Variants in CXADR observed in about 807,000 individuals in gnomAD.
CXADR encodes the protein coxsackievirus and adenovirus receptor.
In CXADR, 20 loss-of-function variants were observed where a neutral mutation model predicts 40.3. That is an observed-to-expected ratio of 0.50 (90% confidence interval 0.35 to 0.72). CXADR has a LOEUF of 0.72. Ranked by LOEUF, CXADR falls within the 30% of genes least tolerant of loss-of-function variation. The pLI is 0.01. For missense variants in CXADR, 332 were observed against 449.1 expected (o/e 0.74, Z 2.36); for synonymous variants, 150 against 161.3 (o/e 0.93, Z 0.53).
downstream of CXADR, among the ~76,000 whole-genome samples, chr21:17,595,867 C>T (rs1022625468): frequency 3.9e-5 from 6 of 151,950 alleles, no homozygotes; most frequent in Admixed American, 6.6e-5. Flanking sequence ...TTCCAGTTTT[C>T]CAAAGTAGTG....
At chr21:17,548,270 C>A (rs1388288428) in intron 2 of CXADR, among the ~76,000 whole-genome samples, 1 of 152,052 alleles carries the variant, frequency 6.6e-6, no homozygotes, top group South Asian at 2.1e-4. Flanking sequence ...TTTTGGCAAA[C>A]CCAGTCGGTT....
the CXADR span, among the ~76,000 whole-genome samples, chr21:17,628,687 G>C: frequency 1.3e-5 from 2 of 152,144 alleles, no homozygotes; most frequent in Non-Finnish European, 2.9e-5. Flanking sequence ...ATTTTTAGTA[G>C]AGATGGTGTT....
rs1329784428 is a variant in CXADR, at chr21:17,565,937, TAA to T, written c.*247_*248del. Reference sequence around the variant, plus strand: ...TGGATTTTCTTTAAGAGGTTGATTATAAAGTTTTCTAAATTTATCAGTACCTA... The same window carrying T: ...TGGATTTTCTTTAAGAGGTTGATTATAGTTTTCTAAATTTATCAGTACCTA... On this transcript the variant is annotated 3_prime_UTR_variant, in exon 7 of 7. Coordinates refer to ENST00000284878, the MANE Select transcript of CXADR (RefSeq NM_001338.5). The T allele has an allele frequency of 5.1e-6, 6 of 1,169,530 alleles. No individual in the cohort carries two copies. In the African/African-American group the frequency reaches 6.3e-5, roughly 12 times the overall value. The allele number at this position is 1,169,530 out of a possible 1,614,324, so 72.4% of individuals were successfully genotyped here.
intron 7 of CXADR, among the ~76,000 whole-genome samples, chr21:17,588,235 A>G (rs2061411326): frequency 6.6e-6 from 1 of 152,132 alleles, no homozygotes; most frequent in Non-Finnish European, 1.5e-5. Flanking sequence ...TTGGTTCCAT[A>G]TGAACTTTAA....
chr21:17,595,827 T>C (rs2061497114), downstream of CXADR, among the ~76,000 whole-genome samples: 1 of 152,062 alleles, frequency 6.6e-6, no homozygotes, highest in South Asian at 2.1e-4. Context: ...TGCTGAGTAA[T>C]AGAAGAGTTA....
intron 4 of CXADR, among the ~76,000 whole-genome samples, chr21:17,559,411 C>T (rs1174094761): frequency 2.0e-5 from 3 of 152,022 alleles, no homozygotes; most frequent in Middle Eastern, 3.4e-3. Context: ...TCTCAAACTC[C>T]TGGGCTCAAG....
At chr21:17,586,214 A>G (rs2061394625) in intron 7 of CXADR, among the ~76,000 whole-genome samples, 1 of 152,050 alleles carries the variant, frequency 6.6e-6, no homozygotes, top group Non-Finnish European at 1.5e-5. Flanking sequence ...ATTTGGCCTT[A>G]CTAAATGATT....
intron 7 of CXADR, chr21:17,576,837 C>G (rs1410078305): frequency 1.3e-5 from 2 of 152,160 alleles, no homozygotes; most frequent in Non-Finnish European, 2.9e-5. Context: ...ATTAAATGTT[C>G]ACAGTTACAG....
At chr21:17,619,466 G>A in the CXADR span, among the ~76,000 whole-genome samples, 39 of 152,284 alleles carry the variant, frequency 2.6e-4, no homozygotes, top group East Asian at 6.9e-3. Flanking sequence ...ATGCATGCCT[G>A]TAATCCCAGC....
chr21:17,620,825 AAGAC>A, the CXADR span, among the ~76,000 whole-genome samples: 1,097 of 152,290 alleles, frequency 7.2e-3, 18 homozygotes, highest in African/African-American at 0.025. Flanking sequence ...TAAAAGAAAA[AAGAC>A]AGAGAGGAGA....
chr21:17,598,772 C>T, the CXADR span: 1 of 1,614,126 alleles, frequency 6.2e-7, no homozygotes, highest in Non-Finnish European at 8.5e-7. Flanking sequence ...TCCTTGTTCT[C>T]ATCTTTATTT....
chr21:17,631,450 G>C, the CXADR span, among the ~76,000 whole-genome samples: 3 of 152,192 alleles, frequency 2.0e-5, no homozygotes, highest in African/African-American at 7.2e-5. Context: ...CTGCAGCCAG[G>C]CAGCAGCTGA....
intron 1 of CXADR, chr21:17,527,321 G>A (rs1157463844): frequency 6.6e-6 from 1 of 152,210 alleles, no homozygotes; most frequent in Non-Finnish European, 1.5e-5. Flanking sequence ...TGTGCTAGTG[G>A]AGTGGGGAAG....
chr21:17,534,926 AG>A lies in CXADR; in HGVS notation c.44-12099del, dbSNP rs760220683. On this transcript the variant is annotated intron_variant, in intron 1 of 6. Transcript: ENST00000284878. Reference sequence around the variant, plus strand: ...CAGCCTCCTGGGTAGCTGGGATTACAGGCACATGCCACCACGCCAAGCTAAT... The same window carrying A: ...CAGCCTCCTGGGTAGCTGGGATTACAGCACATGCCACCACGCCAAGCTAAT... 3.3e-5 allele frequency among the ~76,000 whole-genome samples: 5 copies of A among 151,840 alleles called. No individual in the cohort carries two copies. In the East Asian group the frequency reaches 9.7e-4, roughly 30 times the overall value.
chr21:17,633,018 G>T, the CXADR span: 6 of 152,264 alleles, frequency 3.9e-5, no homozygotes, highest in African/African-American at 1.4e-4. Flanking sequence ...TAATGTTGGG[G>T]CTCAGAAAAC....
chr21:17,620,683 T>C, the CXADR span, among the ~76,000 whole-genome samples: 1 of 152,034 alleles, frequency 6.6e-6, no homozygotes, highest in Admixed American at 6.6e-5. Flanking sequence ...AAGCTAGATA[T>C]GCCAGCATTC....
chr21:17,618,917 AG>A, the CXADR span, among the ~76,000 whole-genome samples: 1 of 152,222 alleles, frequency 6.6e-6, no homozygotes, highest in Non-Finnish European at 1.5e-5. Context: ...GTTGTGTTAG[AG>A]GGCATGAAAC....
chr21:17,600,178 A>G, the CXADR span, among the ~76,000 whole-genome samples: 5 of 152,310 alleles, frequency 3.3e-5, no homozygotes, highest in South Asian at 2.1e-4. Context: ...ATAGTGTAAT[A>G]AACTCAAGTA....
At chr21:17,587,748 C>A (rs2061408067) in intron 7 of CXADR, among the ~76,000 whole-genome samples, 1 of 151,684 alleles carries the variant, frequency 6.6e-6, no homozygotes, top group Admixed American at 6.6e-5. Context: ...TAATTAGATC[C>A]CATTTGTCAA....
Sources: allele counts gnomAD v4.1 joint callset (sites outside exome capture counted in the v4.1 genomes callset), GRCh38; gene constraint gnomAD v4.1.1; transcripts MANE v1.5; gene names NCBI Gene and HGNC (gene_info 2026-07-23, HGNC 2026-07-21).